XCR1: variants seen among roughly 807,000 people sequenced by gnomAD.
XCR1 encodes chemokine XC receptor 1.
For missense variants in XCR1, 356 were observed against 424.2 expected, an observed-to-expected ratio of 0.84 and a Z score of 1.41; for synonymous variants, 187 against 188.5, an observed-to-expected ratio of 0.99 and a Z score of 0.06.
chr3:46,028,565 C>A (rs1044082436), upstream of XCR1, among the ~76,000 whole-genome samples: 2 of 151,412 alleles, frequency 1.3e-5, no homozygotes, highest in Non-Finnish European at 2.9e-5. Context: ...CTTCGACACA[C>A]AAATGCTTTA....
chr3:46,081,549 G>A (rs573927265), intron 1 of XCR1, among the ~76,000 whole-genome samples: 1 of 152,310 alleles, frequency 6.6e-6, no homozygotes, highest in South Asian at 2.1e-4. Flanking sequence ...ATCATGGCCT[G>A]TAACTGGAGA....
intron 1 of XCR1, among the ~76,000 whole-genome samples, chr3:46,084,648 C>T (rs1053756399): frequency 6.6e-6 from 1 of 152,162 alleles, no homozygotes; most frequent in Non-Finnish European, 1.5e-5. Flanking sequence ...TCCACTTGTA[C>T]AGATGTAGCT....
At chr3:46,061,700 G>A (rs73830719) in intron 4 of XCR1, among the ~76,000 whole-genome samples, 8,791 of 152,170 alleles carry the variant, frequency 0.058, 383 homozygotes, top group African/African-American at 0.12. Flanking sequence ...GGGGTCCTGC[G>A]AGGGGAAAGG....
intron 3 of XCR1, among the ~76,000 whole-genome samples, chr3:46,070,982 G>A (rs1698154123): frequency 6.6e-6 from 1 of 151,932 alleles, no homozygotes; most frequent in Admixed American, 6.6e-5. Flanking sequence ...TTTTATGATG[G>A]TGAATACCAA....
chr3:46,025,533 T>A (rs1708270763), intron 1 of XCR1, among the ~76,000 whole-genome samples: 1 of 152,198 alleles, frequency 6.6e-6, no homozygotes, highest in Admixed American at 6.5e-5. Context: ...AACAAATAAA[T>A]ATTATGATCA....
chr3:46,075,340 TCAAAAC>T (rs1698240645), intron 2 of XCR1, among the ~76,000 whole-genome samples: 1 of 86,168 alleles, frequency 1.2e-5, no homozygotes, highest in East Asian at 3.1e-4. Flanking sequence ...ACAACAAAAA[TCAAAAC>T]CAAGAAACCT....
At chr3:46,068,903 A>G (rs1469988422) in intron 3 of XCR1, among the ~76,000 whole-genome samples, 1 of 152,204 alleles carries the variant, frequency 6.6e-6, no homozygotes, top group Non-Finnish European at 1.5e-5. Flanking sequence ...GCATGAAATC[A>G]ACAGCTGAAA....
At chr3:46,033,774 T>C (rs1009425949) in intron 5 of XCR1, among the ~76,000 whole-genome samples, 1 of 152,216 alleles carries the variant, frequency 6.6e-6, no homozygotes, top group African/African-American at 2.4e-5. Context: ...CTTGACAATA[T>C]TGAGTCTTCT....
At chr3:46,063,388 G>C (rs1181246595) in intron 4 of XCR1, among the ~76,000 whole-genome samples, 1 of 152,132 alleles carries the variant, frequency 6.6e-6, no homozygotes, top group Non-Finnish European at 1.5e-5. Flanking sequence ...CGTGGGCAGA[G>C]GAACATGGTT....
At chr3:46,065,455 C>G (rs1698050781) in intron 4 of XCR1, among the ~76,000 whole-genome samples, 1 of 152,230 alleles carries the variant, frequency 6.6e-6, no homozygotes. Flanking sequence ...CCTGTCCACT[C>G]TACAACAAGC....
At chr3:46,084,840 G>A (rs4682804) in intron 1 of XCR1, among the ~76,000 whole-genome samples, 29,646 of 152,122 alleles carry the variant, frequency 0.19, 3,014 homozygotes, top group Middle Eastern at 0.33. Flanking sequence ...TATCTTATTG[G>A]GTACTATGCT....
upstream of XCR1, among the ~76,000 whole-genome samples, chr3:46,029,266 C>T (rs150884983): frequency 7.8e-3 from 1,191 of 152,230 alleles, 16 homozygotes; most frequent in African/African-American, 0.027. Context: ...TGTAGTGGTG[C>T]GATCATGGCT....
chr3:46,021,781 A>G lies in XCR1; in HGVS notation c.167T>C (p.Leu56Pro), dbSNP rs1708158935. 1 of 1,614,138 alleles carries G rather than the reference A, an allele frequency of 6.2e-7. No homozygotes were observed. Among genetic ancestry groups the G allele is most frequent in the Non-Finnish European group, 8.5e-7 (1 of 1,180,016 alleles). ...LVGNSLVLWV[L>P]VKYESLESLT... The stretch of plus-strand genomic sequence containing the variant: ...GGACTCCAGGCTCTCATACTTCACC[A>G]GGACCCACAGGACCAGGCTGTTGCC... Residue 56 changes from leucine (L) to proline (P), a missense_variant, in exon 2 of 2, where the codon CTG becomes CCG. Transcript: ENST00000309285. The surrounding 1 kb of genome is among the most constrained non-coding windows in gnomAD (Gnocchi z 4.7).
Position 46,019,984 on chromosome 3 carries a change from G to A in XCR1, c.*962C>T, listed in dbSNP as rs1197018762. The A allele has an allele frequency of 6.6e-6, 1 of 152,346 alleles. No individual in the cohort carries two copies. The highest frequency in any genetic ancestry group is 2.4e-5 in the African/African-American group (1 of 41,570). The allele number at this position is 152,346 out of a possible 1,614,324, so 9.4% of individuals were successfully genotyped here. A position where few individuals can be genotyped will look rare whatever the true frequency, so the allele number is the denominator to read the frequency against. On this transcript the variant is annotated 3_prime_UTR_variant, in exon 2 of 2. Transcript: ENST00000309285. ...GGGAGTTGAGGAAAAGAAAACACAG[G>A]CCTCCAAGAGGACTTGAGGTTTGGA...
At chr3:46,056,517 A>G (rs957927648) in intron 4 of XCR1, among the ~76,000 whole-genome samples, 1 of 152,120 alleles carries the variant, frequency 6.6e-6, no homozygotes, top group African/African-American at 2.4e-5. Flanking sequence ...ACTGTTGCCC[A>G]GGCTAGAGTG....
chr3:46,032,169 C>G (rs1236966897), upstream of XCR1, among the ~76,000 whole-genome samples: 1 of 152,212 alleles, frequency 6.6e-6, no homozygotes, highest in Non-Finnish European at 1.5e-5. Context: ...TGAAACATGC[C>G]CCCTGCTTGC....
At chr3:46,081,407 C>T (rs745418510) in intron 1 of XCR1, among the ~76,000 whole-genome samples, 2 of 152,218 alleles carry the variant, frequency 1.3e-5, no homozygotes, top group Non-Finnish European at 2.9e-5. Flanking sequence ...GATGAAGGAA[C>T]TTATGAACTT....
At chr3:46,078,511 A>T (rs868118139) in intron 1 of XCR1, among the ~76,000 whole-genome samples, 1 of 152,202 alleles carries the variant, frequency 6.6e-6, no homozygotes, top group African/African-American at 2.4e-5. Flanking sequence ...AATGGGCAGG[A>T]GATTTGGGTT....
At chr3:46,065,843 A>G (rs1698059271) in intron 4 of XCR1, among the ~76,000 whole-genome samples, 2 of 152,132 alleles carry the variant, frequency 1.3e-5, no homozygotes, top group South Asian at 4.1e-4. Flanking sequence ...AGGCTTTTGG[A>G]TATTTCTGGT....
Sources: allele counts gnomAD v4.1 joint callset (sites outside exome capture counted in the v4.1 genomes callset), GRCh38; gene constraint gnomAD v4.1.1; non-coding constraint Gnocchi (gnomAD v3.1); transcripts MANE v1.5; gene names NCBI Gene and HGNC (gene_info 2026-07-23, HGNC 2026-07-21).